Variants in PTPRD observed in about 807,000 individuals in gnomAD.
PTPRD encodes receptor-type tyrosine-protein phosphatase delta.
PTPRD carries 34 observed loss-of-function variants against 214.5 expected under a neutral mutation model. The observed-to-expected ratio is 0.16, with a 90% CI of 0.12 to 0.21. PTPRD has a LOEUF of 0.21. PTPRD is among the 10% of genes least tolerant of loss of function. The probability of loss-of-function intolerance (pLI) is 1.00; values close to 1 mark genes in which losing one functional copy is unlikely to be tolerated. For synonymous variants in PTPRD, 1,128 were observed against 845.7 expected, an observed-to-expected ratio of 1.33 and a Z score of -5.79; for missense variants, 2,545 against 2,398.7, an observed-to-expected ratio of 1.06 and a Z score of -1.27.
At chr9:9,897,948 G>C (rs545630795) in intron 5 of PTPRD, among the ~76,000 whole-genome samples, 1 of 151,368 alleles carries the variant, frequency 6.6e-6, no homozygotes, top group East Asian at 1.9e-4. Flanking sequence ...AAAGGCCACA[G>C]AAAACAGGTA....
chr9:8,476,295 G>A lies in PTPRD; in HGVS notation c.3414-5210C>T, dbSNP rs905369856. ...ATGTGCAGTTCACAATAGGGTTCATGTTCCTGAGAGATTCTAATGCCACCA... is the reference window on the plus strand; with the variant it reads ...ATGTGCAGTTCACAATAGGGTTCATATTCCTGAGAGATTCTAATGCCACCA... On this transcript the variant is annotated intron_variant, in intron 30 of 45. Coordinates refer to ENST00000381196, the MANE Select transcript of PTPRD (RefSeq NM_002839.4). Among the ~76,000 whole-genome samples the A allele has an allele frequency of 2.6e-5, 4 of 152,278 alleles. No homozygotes were observed. The Middle Eastern group carries it at 0.01, about 388-fold the overall frequency.
intron 12 of PTPRD, among the ~76,000 whole-genome samples, chr9:8,671,710 T>C (rs2154363813): frequency 6.6e-6 from 1 of 152,272 alleles, no homozygotes; most frequent in East Asian, 1.9e-4. Context: ...CCAGAAATTA[T>C]TTTTTACACA....
intron 11 of PTPRD, among the ~76,000 whole-genome samples, chr9:8,787,431 A>G (rs1302454787): frequency 2.6e-5 from 4 of 152,174 alleles, no homozygotes; most frequent in African/African-American, 7.2e-5. Context: ...CCTTTATCTT[A>G]AAATTTTTTA....
At chr9:10,435,970 C>T (rs1363309287) in intron 2 of PTPRD, among the ~76,000 whole-genome samples, 1 of 151,760 alleles carries the variant, frequency 6.6e-6, no homozygotes, top group Non-Finnish European at 1.5e-5. Flanking sequence ...CATACACACA[C>T]AAATACACTG....
At chr9:9,037,956 T>C (rs2099627222) in intron 10 of PTPRD, among the ~76,000 whole-genome samples, 1 of 152,150 alleles carries the variant, frequency 6.6e-6, no homozygotes, top group Non-Finnish European at 1.5e-5. Flanking sequence ...CTAATTAACT[T>C]TTTTGAAATT....
intron 9 of PTPRD, among the ~76,000 whole-genome samples, chr9:9,349,017 T>C (rs1470862601): frequency 1.3e-5 from 2 of 152,118 alleles, no homozygotes; most frequent in African/African-American, 4.8e-5. Context: ...CAGATTTATT[T>C]TCTGTATTTT....
At position 10,043,650 on chromosome 9, in the gene PTPRD, T is replaced by C. The variant is rs556847435; in HGVS notation, c.-544-9860A>G. Reference sequence around the variant, plus strand: ...AGAGTGTTTTATGATGCAAAAAAGGTGAGATGATGGTTCACACCTAAAGAT... The same window carrying C: ...AGAGTGTTTTATGATGCAAAAAAGGCGAGATGATGGTTCACACCTAAAGAT... On this transcript the variant is annotated intron_variant, in intron 3 of 45. Coordinates refer to ENST00000381196, the MANE Select transcript of PTPRD (RefSeq NM_002839.4). 4.6e-5 allele frequency among the ~76,000 whole-genome samples: 7 copies of C among 151,786 alleles called. No homozygotes were observed. In the South Asian group the frequency reaches 1.5e-3, roughly 31 times the overall value.
intron 3 of PTPRD, among the ~76,000 whole-genome samples, chr9:10,198,613 A>G (rs2099407336): frequency 6.6e-6 from 1 of 152,172 alleles, no homozygotes; most frequent in Non-Finnish European, 1.5e-5. Context: ...GTAACATTGA[A>G]AGGATAAAAT....
intron 10 of PTPRD, among the ~76,000 whole-genome samples, chr9:9,078,572 C>T (rs749383629): frequency 1.3e-5 from 2 of 152,030 alleles, no homozygotes; most frequent in African/African-American, 4.8e-5. Flanking sequence ...TATTATAAAA[C>T]CTTTCAAACT....
At chr9:8,456,147 C>T (rs530742678) in intron 33 of PTPRD, among the ~76,000 whole-genome samples, 2 of 152,222 alleles carry the variant, frequency 1.3e-5, no homozygotes, top group African/African-American at 4.8e-5. Flanking sequence ...GTGTGCCAGG[C>T]ACTCTACTAG....
chr9:10,478,809 C>A (rs1027460394), intron 2 of PTPRD, among the ~76,000 whole-genome samples: 7 of 151,552 alleles, frequency 4.6e-5, no homozygotes, highest in Admixed American at 2.0e-4. Flanking sequence ...GCCTATGGAT[C>A]TGAATGTTGC....
At chr9:9,690,813 T>C (rs2097256803) in intron 7 of PTPRD, among the ~76,000 whole-genome samples, 1 of 152,072 alleles carries the variant, frequency 6.6e-6, no homozygotes, top group South Asian at 2.1e-4. Flanking sequence ...TTCTGTTTCA[T>C]TGGTGTATGT....
rs544682467 is a variant in PTPRD, at chr9:10,084,922, C to T, written c.-544-51132G>A. ...TAGAAGATCTCAATAGGAGTCTCAACTCTCGTAGATAAAAACACACAGGAT... is the reference window on the plus strand; with the variant it reads ...TAGAAGATCTCAATAGGAGTCTCAATTCTCGTAGATAAAAACACACAGGAT... On this transcript the variant is annotated intron_variant, in intron 3 of 45. Coordinates refer to ENST00000381196, the MANE Select transcript of PTPRD (RefSeq NM_002839.4). Among the ~76,000 whole-genome samples, 7 of 151,974 alleles carry T rather than the reference C, an allele frequency of 4.6e-5. No homozygotes were observed. The East Asian group carries it at 1.4e-3, about 30-fold the overall frequency.
At chr9:9,977,795 A>G (rs1245038704) in intron 4 of PTPRD, among the ~76,000 whole-genome samples, 1 of 152,180 alleles carries the variant, frequency 6.6e-6, no homozygotes, top group Non-Finnish European at 1.5e-5. Context: ...GATTGTGGTT[A>G]TAATTCAACC....
intron 2 of PTPRD, among the ~76,000 whole-genome samples, chr9:10,496,201 G>T (rs2041978952): frequency 6.6e-6 from 1 of 151,724 alleles, no homozygotes; most frequent in East Asian, 1.9e-4. Context: ...CTAATTTAGG[G>T]TATTGTTATC....
At chr9:9,535,254 G>A (rs891891129) in intron 8 of PTPRD, among the ~76,000 whole-genome samples, 2 of 152,018 alleles carry the variant, frequency 1.3e-5, no homozygotes, top group South Asian at 2.1e-4. Flanking sequence ...AGATGTAAAC[G>A]ATTCTAGCTT....
chr9:10,227,042 G>A (rs1338639791), intron 3 of PTPRD, among the ~76,000 whole-genome samples: 1 of 151,922 alleles, frequency 6.6e-6, no homozygotes, highest in East Asian at 1.9e-4. Flanking sequence ...AATAGGTGAT[G>A]ACAACATCTA....
chr9:8,411,717 T>A (rs966453796), intron 35 of PTPRD, among the ~76,000 whole-genome samples: 5 of 152,246 alleles, frequency 3.3e-5, no homozygotes, highest in African/African-American at 1.2e-4. Context: ...CAGCGATATG[T>A]GTTAATCCTA....
intron 2 of PTPRD, among the ~76,000 whole-genome samples, chr9:10,555,736 C>T (rs1014067765): frequency 6.6e-6 from 1 of 151,952 alleles, no homozygotes; most frequent in African/African-American, 2.4e-5. Context: ...AGAAGTTTTA[C>T]AAACAAGTGC....
Sources: gnomAD v4.1 joint callset for allele counts (sites outside exome capture counted in the v4.1 genomes callset) on GRCh38, gnomAD v4.1.1 for gene constraint, MANE v1.5 for transcripts, NCBI Gene and HGNC (gene_info 2026-07-23, HGNC 2026-07-21) for gene names.